CDCA2: variants seen among roughly 807,000 people sequenced by gnomAD.
CDCA2 encodes the protein cell division cycle associated 2, also known as cell division cycle-associated protein 2.
A neutral mutation model predicts 67.0 loss-of-function variants in CDCA2; 44 were observed. That is an observed-to-expected ratio of 0.66 (90% CI 0.52 to 0.84). CDCA2 has a LOEUF of 0.84. Ranked by LOEUF, CDCA2 falls within the 40% of genes least tolerant of loss-of-function variation. The pLI is 0.00. For synonymous variants in CDCA2, 447 were observed against 418.7 expected (o/e 1.07, Z -0.82); for missense variants, 1,253 against 1,203.2 (o/e 1.04, Z -0.61).
chr8:25,467,674 A>C (rs1045420140), intron 5 of CDCA2, among the ~76,000 whole-genome samples: 19 of 152,142 alleles, frequency 1.2e-4, no homozygotes, highest in African/African-American at 3.6e-4. Flanking sequence ...GCCTGAAAAA[A>C]CTTAATTCTA....
At chr8:25,487,657 G>A (rs1045465632) in intron 12 of CDCA2, among the ~76,000 whole-genome samples, 1 of 152,082 alleles carries the variant, frequency 6.6e-6, no homozygotes, top group African/African-American at 2.4e-5. Flanking sequence ...GCAGGAGAAT[G>A]GCATGAACTC....
rs1000849929 is a variant in CDCA2 at position 25,466,043 on chromosome 8, C to T, written c.388-132C>T. 5 of 703,990 alleles carry T rather than the reference C, an allele frequency of 7.1e-6. No individual in the cohort carries two copies. In the African/African-American group the frequency reaches 7.6e-5, roughly 11 times the overall value. The allele number at this position is 703,990 out of a possible 1,614,324, so 43.6% of individuals were successfully genotyped here. A position where few individuals can be genotyped will look rare whatever the true frequency, so the allele number is the denominator to read the frequency against. On this transcript the variant is annotated intron_variant, in intron 4 of 14. Coordinates refer to ENST00000330560, the MANE Select transcript of CDCA2 (RefSeq NM_152562.4). The stretch of plus-strand genomic sequence containing the variant: ...TCCAGGGTGAAGAAGCTCTGCCACA[C>T]TAACTCCTTACCGCTGATCTTCAAA...
intron 8 of CDCA2, 76 bp from the exon 9 acceptor site, chr8:25,483,323 C>T (rs773383407): frequency 5.3e-5 from 47 of 892,268 alleles, no homozygotes; most frequent in Non-Finnish European, 7.8e-5. Context: ...CAGAGAATTT[C>T]AAAACTGCTG....
chr8:25,505,639 A>T (rs1471610097), intron 14 of CDCA2, among the ~76,000 whole-genome samples: 1 of 152,064 alleles, frequency 6.6e-6, no homozygotes, highest in Non-Finnish European at 1.5e-5. Context: ...TTAAATGGAA[A>T]CATTGTTTTT....
intron 8 of CDCA2, among the ~76,000 whole-genome samples, chr8:25,480,980 T>A (rs764537005): frequency 8.5e-5 from 13 of 152,236 alleles, no homozygotes; most frequent in Non-Finnish European, 1.9e-4. Flanking sequence ...AATCTTTTTT[T>A]CAAACCATAA....
At chr8:25,491,382 C>G (rs773606518) in intron 13 of CDCA2, among the ~76,000 whole-genome samples, 1 of 152,070 alleles carries the variant, frequency 6.6e-6, no homozygotes, top group Non-Finnish European at 1.5e-5. Flanking sequence ...TGAAGAAGGG[C>G]CAGGGGGTAG....
intron 7 of CDCA2, among the ~76,000 whole-genome samples, chr8:25,476,930 C>G (rs1803375563): frequency 1.3e-5 from 2 of 152,162 alleles, no homozygotes; most frequent in Non-Finnish European, 2.9e-5. Context: ...TGTCTCCTCT[C>G]TTTTCTGAAT....
chr8:25,466,317 C>T lies in CDCA2; in HGVS notation c.530C>T (p.Thr177Ile), dbSNP rs114424597. The T allele has an allele frequency of 8.1e-6, 13 of 1,597,016 alleles. No individual in the cohort carries two copies. Among genetic ancestry groups the T allele is most frequent in the Middle Eastern group, 1.7e-4 (1 of 6,034 alleles). The stretch of plus-strand genomic sequence containing the variant: ...GAGGCAGGAAAAGAGTCCGAGATGA[C>T]AGACTTGAGTGAGTAGAAATAATTC... Reference protein sequence around the residue: ...FSEAGKESEMTDLTRKEGLSA... With the variant: ...FSEAGKESEMIDLTRKEGLSA... The change falls in exon 5 of 15, where the codon ACA (threonine) becomes ATA (isoleucine). Residue 177 changes from threonine to isoleucine, a missense_variant. Physicochemically the swap from Thr to Ile is moderately conservative, Grantham distance 89. Coordinates refer to ENST00000330560, the MANE Select transcript of CDCA2 (RefSeq NM_152562.4).
intron 7 of CDCA2, among the ~76,000 whole-genome samples, chr8:25,472,791 A>G (rs1803209440): frequency 6.6e-6 from 1 of 152,198 alleles, no homozygotes; most frequent in East Asian, 1.9e-4. Flanking sequence ...TATTTATACA[A>G]TGTGGCATTA....
intron 7 of CDCA2, among the ~76,000 whole-genome samples, chr8:25,475,593 G>A (rs1016392962): frequency 6.6e-5 from 10 of 152,116 alleles, no homozygotes; most frequent in African/African-American, 2.4e-4. Context: ...GGTTAGATGG[G>A]GCCAGATATT....
rs945144021 is a variant in CDCA2 at position 25,495,573 on chromosome 8, C to T, written c.1671+6884C>T. On this transcript the variant is annotated intron_variant, in intron 13 of 14. Transcript: ENST00000330560. ...AGGAATACAGGCACCTGCCACCACG[C>T]CCGGCTAATTTTTTATTTTTTATTT... Among the ~76,000 whole-genome samples the T allele has an allele frequency of 2.6e-5, 4 of 152,082 alleles. No homozygotes were observed. In the East Asian group the frequency reaches 7.7e-4, roughly 29 times the overall value.
intron 13 of CDCA2, among the ~76,000 whole-genome samples, chr8:25,492,774 T>G (rs546531006): frequency 5.2e-4 from 79 of 152,324 alleles, no homozygotes; most frequent in African/African-American, 1.9e-3. Flanking sequence ...ACAACTTGGT[T>G]GTTGTGCAGG....
chr8:25,475,873 T>C (rs993195760), intron 7 of CDCA2, among the ~76,000 whole-genome samples: 10 of 152,308 alleles, frequency 6.6e-5, no homozygotes, highest in Admixed American at 6.5e-4. Context: ...GGCCCAGCCT[T>C]GCCAGTACTC....
At chr8:25,459,182 C>G (rs960464932), upstream of CDCA2, 1 of 151,278 alleles carries the variant, frequency 6.6e-6, no homozygotes, top group Non-Finnish European at 1.5e-5. Flanking sequence ...AATTCGGTAC[C>G]GAGGGGCGGG....
At chr8:25,462,333 C>A in intron 4 of CDCA2, 125 bp downstream of exon 4, 1 of 1,134,952 alleles carries the variant, frequency 8.8e-7, no homozygotes, top group South Asian at 1.5e-5. Flanking sequence ...TTTTAGAGAA[C>A]ATGCAGTTAG....
At position 25,460,518 on chromosome 8, in the gene CDCA2, G is replaced by A. The variant is rs776276061; in HGVS notation, c.196G>A (p.Gly66Arg). 2.1e-5 allele frequency: 34 copies of A among 1,613,966 alleles called. No individual in the cohort carries two copies. Among genetic ancestry groups the A allele is most frequent in the Non-Finnish European group, 2.9e-5 (34 of 1,180,018 alleles). ...TTCCACAGTAACCGTAGAGCAATTG[G>A]GAATTACACCTGAAAGCTTTGTTAG... ...NFSTVTVEQLGITPESFVRNS... is the reference protein window; with the variant it reads ...NFSTVTVEQLRITPESFVRNS... Residue 66 changes from glycine (G) to arginine (R), a missense_variant, in exon 3 of 15, where the codon GGA (glycine) becomes AGA (arginine). Physicochemically the swap from Gly to Arg is moderately radical, Grantham distance 125. Coordinates refer to ENST00000330560, the MANE Select transcript of CDCA2 (RefSeq NM_152562.4).
chr8:25,477,345 T>A (rs1803390274), intron 7 of CDCA2, among the ~76,000 whole-genome samples: 1 of 152,228 alleles, frequency 6.6e-6, no homozygotes, highest in Admixed American at 6.5e-5. Flanking sequence ...TCCTCTTCTT[T>A]CATCCTGACC....
intron 10 of CDCA2, 116 bp downstream of exon 10, chr8:25,484,326 T>C: frequency 1.5e-6 from 2 of 1,335,928 alleles, no homozygotes; most frequent in Non-Finnish European, 2.0e-6. Flanking sequence ...TGATATGCCA[T>C]GGTTTAAATT....
At chr8:25,505,778 A>G (rs982460894) in intron 14 of CDCA2, among the ~76,000 whole-genome samples, 1 of 152,204 alleles carries the variant, frequency 6.6e-6, no homozygotes, top group African/African-American at 2.4e-5. Flanking sequence ...TCTAATAGTT[A>G]GTTCTAAGAT....
Sources: gnomAD v4.1 joint callset for allele counts (sites outside exome capture counted in the v4.1 genomes callset) on GRCh38, gnomAD v4.1.1 for gene constraint, MANE v1.5 for transcripts, NCBI Gene and HGNC (gene_info 2026-07-23, HGNC 2026-07-21) for gene names.